VDAC3: variants seen among roughly 807,000 people sequenced by gnomAD.
The protein encoded by VDAC3 is voltage dependent anion channel 3, also known as non-selective voltage-gated ion channel VDAC3.
In VDAC3, 7 loss-of-function variants were observed where a neutral mutation model predicts 33.9. That is an observed-to-expected ratio of 0.21 (90% CI 0.12 to 0.39). The LOEUF (loss-of-function observed/expected upper bound fraction) is 0.39. VDAC3 is among the 10% of genes least tolerant of loss of function. VDAC3 has a pLI of 1.00. For synonymous variants in VDAC3, 100 were observed against 122.4 expected (o/e 0.82, Z 1.21); for missense variants, 261 against 334.5 (o/e 0.78, Z 1.71).
chr8:42,399,819 A>G (rs928674502), intron 6 of VDAC3, 116 bp downstream of exon 6: 10 of 919,074 alleles, frequency 1.1e-5, no homozygotes, highest in Middle Eastern at 2.2e-4. Context: ...GAAGGTTGCT[A>G]TAAGGAATAT....
chr8:42,392,105 C>T (rs913472986), intron 1 of VDAC3, among the ~76,000 whole-genome samples, 177 bp downstream of exon 1: 1 of 152,146 alleles, frequency 6.6e-6, no homozygotes, highest in African/African-American at 2.4e-5. Flanking sequence ...CCACCTCAGG[C>T]GATGGAGCCG....
intron 8 of VDAC3, among the ~76,000 whole-genome samples, chr8:42,404,258 G>A (rs1802464617): frequency 6.6e-6 from 1 of 152,134 alleles, no homozygotes; most frequent in Non-Finnish European, 1.5e-5. Flanking sequence ...TTGAACCTAG[G>A]TCTGTTTTTC....
chr8:42,397,956 A>G (rs182390087), intron 4 of VDAC3, among the ~76,000 whole-genome samples: 1 of 139,666 alleles, frequency 7.2e-6, no homozygotes, highest in East Asian at 1.9e-4. Flanking sequence ...CCACAATAAA[A>G]AAAAACATTT....
At chr8:42,404,043 A>G (rs887527572) in intron 8 of VDAC3, among the ~76,000 whole-genome samples, 7 of 152,176 alleles carry the variant, frequency 4.6e-5, no homozygotes, top group African/African-American at 1.7e-4. Context: ...CTGTTGCTAT[A>G]GTAACTCTTA....
intron 3 of VDAC3, among the ~76,000 whole-genome samples, chr8:42,394,740 AT>A (rs577061878): frequency 6.6e-6 from 1 of 152,038 alleles, no homozygotes; most frequent in Admixed American, 6.5e-5. Context: ...TACATATTTG[AT>A]TTTTTCTTAT....
chr8:42,404,625 G>A (rs1379077616), intron 8 of VDAC3, among the ~76,000 whole-genome samples: 1 of 151,876 alleles, frequency 6.6e-6, no homozygotes, highest in Non-Finnish European at 1.5e-5. Context: ...GGGAGGCTGA[G>A]GCAGGAGAAT....
In VDAC3 at chr8:42,402,010, A is replaced by G. The variant is rs746730885; in HGVS notation, c.546A>G (p.Thr182=). 6.2e-7 allele frequency: 1 copy of G among 1,614,208 alleles called. No homozygotes were observed. The highest frequency in any genetic ancestry group is 1.1e-5 in the South Asian group (1 of 91,092). Reference sequence around the variant, plus strand: ...AGGCTGCGGACTTCCAGCTGCACACACATGTGTGAGTGTTTATAATTTATT... The same window carrying G: ...AGGCTGCGGACTTCCAGCTGCACACGCATGTGTGAGTGTTTATAATTTATT... ...GYKAADFQLH[T]HVNDGTEFGG... Residue 182 remains threonine (T), a synonymous_variant, in exon 7 of 10, where the codon ACA becomes ACG. Coordinates refer to ENST00000022615, the MANE Select transcript of VDAC3 (RefSeq NM_005662.7).
chr8:42,399,654 G>C lies in VDAC3; in HGVS notation c.274G>C (p.Ala92Pro), dbSNP rs143116550. 17 of 1,609,474 alleles carry C rather than the reference G, an allele frequency of 1.1e-5. No individual in the cohort carries two copies. In the African/African-American group the frequency reaches 1.2e-4, roughly 11 times the overall value. ...GTEISWENKL[A>P]EGLKLTLDTI... is the part of the protein sequence containing the mutation. ...ATTTTAAATCTTTGTTTTTCAGTTG[G>C]CTGAAGGGTTGAAACTGACTCTTGA... is the stretch of plus-strand genomic sequence containing the variant. Residue 92 changes from alanine to proline, a missense_variant, in exon 6 of 10, where the codon GCT (alanine) becomes CCT (proline). Transcript: ENST00000022615.
chr8:42,394,755 C>G (rs1421561102), intron 3 of VDAC3, among the ~76,000 whole-genome samples: 1 of 152,066 alleles, frequency 6.6e-6, no homozygotes. Flanking sequence ...TTCTTATTAA[C>G]TAGTAATGTT....
intron 1 of VDAC3, among the ~76,000 whole-genome samples, chr8:42,392,169 C>T (rs1391783699): frequency 6.6e-6 from 1 of 152,190 alleles, no homozygotes; most frequent in Non-Finnish European, 1.5e-5. Context: ...ATCCCGCCGG[C>T]GTGTGGACCG....
chr8:42,404,981 T>TCGGAA, intron 9 of VDAC3, 57 bp downstream of exon 9: 1 of 1,516,684 alleles, frequency 6.6e-7, no homozygotes, highest in Non-Finnish European at 9.1e-7. Context: ...GAGAAAACAA[T>TCGGAA]GAAAATAACC....
At position 42,395,107 on chromosome 8, in the gene VDAC3, C is replaced by A. The variant is rs745827430; in HGVS notation, c.91C>A (p.Leu31Met). 13 of 1,613,872 alleles carry A rather than the reference C, an allele frequency of 8.1e-6. No individual in the cohort carries two copies. Among genetic ancestry groups the A allele is most frequent in the Non-Finnish European group, 1.1e-5 (13 of 1,179,944 alleles). ...AGGCTTTGGCATGGTCAAGATAGAC[C>A]TGAAAACCAAGTCTTGTAGTGGAGT... The part of the protein sequence containing the change: ...GYGFGMVKID[L>M]KTKSCSGVEF... Residue 31 changes from leucine to methionine, a missense_variant, in exon 4 of 10, where the codon CTG (leucine) becomes ATG (methionine). Leu to Met is a conservative substitution (Grantham distance 15). Coordinates refer to ENST00000022615, the MANE Select transcript of VDAC3 (RefSeq NM_005662.7).
chr8:42,400,467 C>G (rs2130889457), intron 6 of VDAC3, among the ~76,000 whole-genome samples: 1 of 151,850 alleles, frequency 6.6e-6, no homozygotes, highest in South Asian at 2.1e-4. Flanking sequence ...ATTTCTTAGC[C>G]TCTGTAAATC....
chr8:42,398,908 TGTAGA>T (rs1228943312), intron 5 of VDAC3, 44 bp downstream of exon 5: 1 of 1,598,250 alleles, frequency 6.3e-7, no homozygotes, highest in Admixed American at 1.7e-5. Flanking sequence ...CAATTTATCT[TGTAGA>T]TTGAATGATG....
At chr8:42,394,078 A>C (rs1802255924) in intron 2 of VDAC3, 132 bp from the exon 3 acceptor site, 1 of 767,726 alleles carries the variant, frequency 1.3e-6, no homozygotes, top group Admixed American at 2.0e-5. Context: ...CTTTGATTGC[A>C]TTAAAGCATT....
chr8:42,405,626 C>T lies in VDAC3; in HGVS notation c.*164C>T, dbSNP rs183219052. Reference sequence around the variant, plus strand: ...ACTGAAGTCTAGGGGTTGCGAATCCCTCCTGAGGGAGATGCTTGAAGGCAT... The same window carrying T: ...ACTGAAGTCTAGGGGTTGCGAATCCTTCCTGAGGGAGATGCTTGAAGGCAT... On this transcript the variant is annotated 3_prime_UTR_variant, in exon 10 of 10. Coordinates refer to ENST00000022615, the MANE Select transcript of VDAC3 (RefSeq NM_005662.7). 243 of 593,984 alleles carry T rather than the reference C, an allele frequency of 4.1e-4. 5 individuals are homozygous for T. In the Admixed American group the frequency reaches 7.5e-3, roughly 18 times the overall value. The allele number at this position is 593,984 out of a possible 1,614,324, so 36.8% of individuals were successfully genotyped here. A position where few individuals can be genotyped will look rare whatever the true frequency, so the allele number is the denominator to read the frequency against.
chr8:42,395,142 CTAATA>C lies in VDAC3; in HGVS notation c.117+12_117+16del, dbSNP rs1262850800. 3 of 1,613,646 alleles carry C rather than the reference CTAATA, an allele frequency of 1.9e-6. No homozygotes were observed. Among genetic ancestry groups the C allele is most frequent in the Non-Finnish European group, 2.5e-6 (3 of 1,179,838 alleles). ...AGTCTTGTAGTGGAGTGGTGAGTAT[CTAATA>C]TATTTTTAATGAATGTAACATAATT... On this transcript the variant is annotated intron_variant, in intron 4 of 9. Transcript: ENST00000022615.
At position 42,402,048 on chromosome 8, in the gene VDAC3, T is replaced by C. The variant is rs773740834; in HGVS notation, c.551+33T>C. ...TTTATAATTTATTCCTTAGTATCAG[T>C]GCAGTTGCCCAAAATATTGTAGCCA... On this transcript the variant is annotated intron_variant, in intron 7 of 9. Coordinates refer to ENST00000022615, the MANE Select transcript of VDAC3 (RefSeq NM_005662.7). The C allele has an allele frequency of 1.5e-5, 24 of 1,596,998 alleles. No homozygotes were observed. The South Asian group carries it at 2.6e-4, about 17-fold the overall frequency.
intron 5 of VDAC3, 172 bp from the exon 6 acceptor site, chr8:42,399,479 G>T: frequency 2.0e-6 from 1 of 501,804 alleles, no homozygotes; most frequent in Non-Finnish European, 3.6e-6. Context: ...ATGAAGGCTG[G>T]GGTGAGGGGA....
Sources: allele counts gnomAD v4.1 joint callset (sites outside exome capture counted in the v4.1 genomes callset), GRCh38; gene constraint gnomAD v4.1.1; transcripts MANE v1.5; gene names NCBI Gene and HGNC (gene_info 2026-07-23, HGNC 2026-07-21).